ITIH6: variants seen among roughly 807,000 people sequenced by gnomAD.
The protein encoded by ITIH6 is inter-alpha-trypsin inhibitor heavy chain H6.
In ITIH6, 60 loss-of-function variants were observed where a neutral mutation model predicts 58.2. That is an observed-to-expected ratio of 1.03 (90% CI 0.84 to 1.28). The LOEUF (loss-of-function observed/expected upper bound fraction) is 1.28. Among genes scored for constraint, ITIH6 ranks in the 50% most tolerant of loss-of-function variants. ITIH6 has a pLI of 0.00. For missense variants in ITIH6, 1,290 were observed against 1,021.1 expected, an observed-to-expected ratio of 1.26 and a Z score of -3.59; for synonymous variants, 493 against 417.4, an observed-to-expected ratio of 1.18 and a Z score of -2.21.
intron 8 of ITIH6, among the ~76,000 whole-genome samples, chrX:54,755,570 T>G (rs1928468522): frequency 9.0e-6 from 1 of 110,504 alleles, no homozygotes. Context: ...AGCTGAGATC[T>G]AAGGCATGAG....
At position 54,771,314 on chromosome X, in the gene ITIH6, A is replaced by G. The variant is rs778181662; in HGVS notation, c.903+2767T>C. ...TCTTTCTTCTCCTTCTATTATTTCC[A>G]TGATGCATATGTAACACTTTTAAAA... On this transcript the variant is annotated intron_variant, in intron 6 of 12. Coordinates refer to ENST00000218436, the MANE Select transcript of ITIH6 (RefSeq NM_198510.3). Among the ~76,000 whole-genome samples the G allele has an allele frequency of 3.7e-4, 41 of 111,549 alleles. No individual in the cohort carries two copies. The South Asian group carries it at 0.013, about 34-fold the overall frequency.
chrX:54,770,103 C>A (rs951598052), intron 6 of ITIH6, among the ~76,000 whole-genome samples: 1 of 112,593 alleles, frequency 8.9e-6, no homozygotes, highest in East Asian at 2.8e-4. Flanking sequence ...TTAAGCCGGT[C>A]TGAAAAGCGC....
intron 5 of ITIH6, among the ~76,000 whole-genome samples, chrX:54,782,075 C>G (rs1260687671): frequency 2.7e-5 from 3 of 111,027 alleles, no homozygotes; most frequent in Non-Finnish European, 5.7e-5. Flanking sequence ...ACACTGGGGC[C>G]TGTCAGAGCA....
chrX:54,760,042 C>G, intron 6 of ITIH6, 115 bp from the exon 7 acceptor site: 1 of 580,667 alleles, frequency 1.7e-6, no homozygotes, highest in Admixed American at 3.3e-5. Context: ...TTAAGACTCT[C>G]TGACTGCAGG....
At chrX:54,780,791 A>C (rs780526945) in intron 5 of ITIH6, among the ~76,000 whole-genome samples, 7 of 111,484 alleles carry the variant, frequency 6.3e-5, no homozygotes, top group Non-Finnish European at 1.3e-4. Context: ...AAAAGAGAAG[A>C]TCCAAATAAA....
At position 54,758,329 on chromosome X, in the gene ITIH6, G is replaced by T. The variant is rs773123070; in HGVS notation, c.1745C>A (p.Thr582Asn). 3.1e-5 allele frequency: 37 copies of T among 1,210,493 alleles called. No individual in the cohort carries two copies. The East Asian group carries it at 7.4e-4, about 24-fold the overall frequency. Residue 582 changes from threonine to asparagine, a missense_variant, in exon 8 of 13, where the codon ACC (threonine) becomes AAC (asparagine). Coordinates refer to ENST00000218436, the MANE Select transcript of ITIH6 (RefSeq NM_198510.3). ...GGCAGCCAGCAGGTGGCGAGTGGTGGTGTCACGAGCTTGGAAGTGTGCATC... is the reference window on the plus strand; with the variant it reads ...GGCAGCCAGCAGGTGGCGAGTGGTGTTGTCACGAGCTTGGAAGTGTGCATC... Reference protein sequence around the residue: ...LLDAHFQARDTTTRHLLAAKV... With the variant: ...LLDAHFQARDNTTRHLLAAKV...
rs767151780 is a variant in ITIH6 at position 54,788,546 on chromosome X, T to C, written c.720A>G (p.Ser240=). ...GAACCAGGAAGTCAGCCATGATGCCTGACCCAGAGATGGACGACTGGTCTT... is the reference window on the plus strand; with the variant it reads ...GAACCAGGAAGTCAGCCATGATGCCCGACCCAGAGATGGACGACTGGTCTT... ...TLQDQSSISG[S]GIMADFLVQY... is the part of the protein sequence containing the mutation. The change falls in exon 5 of 13, where the codon TCA becomes TCG. Residue 240 remains serine, a synonymous_variant. Transcript: ENST00000218436. The C allele has an allele frequency of 8.3e-7, 1 of 1,210,465 alleles. No homozygotes were observed. The highest frequency in any genetic ancestry group is 2.2e-5 in the Admixed American group (1 of 46,032).
rs1257412704 is a variant in ITIH6 at position 54,757,789 on chromosome X, G to A, written c.2285C>T (p.Pro762Leu). The change falls in exon 8 of 13, where the codon CCT becomes CTT. Residue 762 changes from proline to leucine, a missense_variant. By Grantham distance (98) the Pro-to-Leu change is moderately conservative. Coordinates refer to ENST00000218436, the MANE Select transcript of ITIH6 (RefSeq NM_198510.3). ...LPTNSRTQVP[P>L]VKPGIPASPK... ...CGAGGCTGGGATGCCAGGTTTCACA[G>A]GTGGGACTTGTGTCCTGGAGTTCGT... 1.7e-6 allele frequency: 2 copies of A among 1,211,329 alleles called. No homozygotes were observed. Among genetic ancestry groups the A allele is most frequent in the Non-Finnish European group, 1.1e-6 (1 of 895,054 alleles).
chrX:54,769,487 G>T (rs1928891348), intron 6 of ITIH6, among the ~76,000 whole-genome samples: 1 of 106,420 alleles, frequency 9.4e-6, no homozygotes, highest in Non-Finnish European at 1.9e-5. Context: ...TTTCTGTTCT[G>T]TTTTTTCCCC....
chrX:54,797,299 C>T (rs1929460472), intron 1 of ITIH6, among the ~76,000 whole-genome samples: 1 of 111,829 alleles, frequency 8.9e-6, no homozygotes, highest in African/African-American at 3.2e-5. Context: ...GTCTCAGAAC[C>T]CAAGACTCAC....
chrX:54,794,887 G>C (rs780027286), intron 2 of ITIH6, among the ~76,000 whole-genome samples: 43 of 111,666 alleles, frequency 3.9e-4, no homozygotes, highest in African/African-American at 1.2e-3. Context: ...GCCCCACTAA[G>C]CTTTCCCTTT....
intron 9 of ITIH6, among the ~76,000 whole-genome samples, chrX:54,754,331 G>T (rs1191015422): frequency 1.8e-5 from 2 of 111,749 alleles, no homozygotes; most frequent in African/African-American, 3.3e-5. Flanking sequence ...GGATCTCTTG[G>T]TGTACACACT....
Position 54,758,641 on chromosome X carries a change from C to A in ITIH6, c.1433G>T (p.Arg478Leu). 8.3e-7 allele frequency: 1 copy of A among 1,211,660 alleles called. No individual in the cohort carries two copies. ...EISMPLLADV[R>L]LNYLGGLVGA... ...AACCAAGCCACCCAGGTAGTTCAGACGCACATCTGCCAGCAGAGGCATGGA... is the reference window on the plus strand; with the variant it reads ...AACCAAGCCACCCAGGTAGTTCAGAAGCACATCTGCCAGCAGAGGCATGGA... The change falls in exon 8 of 13, where the codon CGT becomes CTT. Residue 478 changes from arginine (R) to leucine (L), a missense_variant. Transcript: ENST00000218436.
chrX:54,759,759 C>T lies in ITIH6; in HGVS notation c.1072G>A (p.Gly358Ser). 1 of 1,204,958 alleles carries T rather than the reference C, an allele frequency of 8.3e-7. No homozygotes were observed. Among genetic ancestry groups the T allele is most frequent in the Middle Eastern group, 2.3e-4 (1 of 4,318 alleles). Reference protein sequence around the residue: ...KDYLHCMEADGWTDVNSALLA... With the variant: ...KDYLHCMEADSWTDVNSALLA... ...GGTGGGTAGATCTAACACTTACAGC[C>T]ATCGGCTTCCATGCAATGCAGGTAG... Residue 358 changes from glycine (G) to serine (S), a missense_variant, in exon 7 of 13, where the codon GGC (glycine) becomes AGC (serine). Transcript: ENST00000218436.
chrX:54,792,961 TCCTCTCCCCTCCCTC>T (rs1194260954), intron 2 of ITIH6, among the ~76,000 whole-genome samples: 10 of 110,655 alleles, frequency 9.0e-5, no homozygotes, highest in Non-Finnish European at 1.9e-4. Flanking sequence ...CAACCTTTTA[TCCTCTCCCCTCCCTC>T]CCTCTCCCCT....
chrX:54,788,693 C>G (rs1253582593), intron 4 of ITIH6, 44 bp from the exon 5 acceptor site: 3 of 1,077,349 alleles, frequency 2.8e-6, no homozygotes, highest in East Asian at 3.1e-5. Flanking sequence ...ACAGAGGACT[C>G]GCAAGACAGA....
In ITIH6 at chrX:54,788,580, G is replaced by A. The variant is rs758658373; in HGVS notation, c.686C>T (p.Pro229Leu). ...GATGGACGACTGGTCTTGCAATGTC[G>A]GGCAGTAGGTGATTCGGACACAGGT... The part of the protein sequence containing the change: ...GETCVRITYC[P>L]TLQDQSSISG... Residue 229 changes from proline (P) to leucine (L), a missense_variant, in exon 5 of 13, where the codon CCG becomes CTG. Transcript: ENST00000218436. The A allele has an allele frequency of 2.7e-5, 32 of 1,207,309 alleles. No individual in the cohort carries two copies. Among genetic ancestry groups the A allele is most frequent in the Admixed American group, 2.4e-4 (11 of 45,699 alleles).
At chrX:54,778,578 A>G (rs1214913914) in intron 5 of ITIH6, among the ~76,000 whole-genome samples, 1 of 112,189 alleles carries the variant, frequency 8.9e-6, no homozygotes, top group African/African-American at 3.2e-5. Flanking sequence ...GAAAATAAAC[A>G]GTAAGAAGAG....
chrX:54,752,235 C>A (rs1426484128), intron 11 of ITIH6, among the ~76,000 whole-genome samples: 1 of 111,757 alleles, frequency 8.9e-6, no homozygotes, highest in Non-Finnish European at 1.9e-5. Context: ...TTTGTTACAA[C>A]ACGGATGAAC....
Sources: allele counts gnomAD v4.1 joint callset (sites outside exome capture counted in the v4.1 genomes callset), GRCh38; gene constraint gnomAD v4.1.1; transcripts MANE v1.5; gene names NCBI Gene and HGNC (gene_info 2026-07-23, HGNC 2026-07-21).